IKBKB: variants seen among roughly 807,000 people sequenced by gnomAD.
The protein encoded by IKBKB is inhibitor of nuclear factor kappa-B kinase subunit beta.
A neutral mutation model predicts 113.6 loss-of-function variants in IKBKB; 42 were observed. The ratio of observed to expected loss-of-function variants is 0.37; its 90% CI spans 0.29 to 0.48. The LOEUF (loss-of-function observed/expected upper bound fraction) is 0.48, where lower values mean the gene tolerates loss of function less well. Ranked by LOEUF, IKBKB falls within the 20% of genes least tolerant of loss-of-function variation. The pLI, the probability that IKBKB is intolerant of heterozygous loss-of-function variation, is 0.99. For synonymous variants in IKBKB, 296 were observed against 361.3 expected (o/e 0.82, Z 2.05); for missense variants, 673 against 939.7 (o/e 0.72, Z 3.71).
At position 42,316,225 on chromosome 8, in the gene IKBKB, A is replaced by G. The variant is rs1563351883; in HGVS notation, c.816A>G (p.Arg272=). 1 of 1,614,134 alleles carries G rather than the reference A, an allele frequency of 6.2e-7. No individual in the cohort carries two copies. ...PNNLNSVLAE[R]LEKWLQLMLM... ...CTCTCCACAGTGTCCTGGCTGAGCG[A>G]CTGGAGAAGTGGCTGCAACTGATGC... The change falls in exon 10 of 22, where the codon CGA becomes CGG. Residue 272 remains arginine (R), a synonymous_variant. Coordinates refer to ENST00000520810, the MANE Select transcript of IKBKB (RefSeq NM_001556.3). The surrounding 1 kb of genome is among the most constrained non-coding windows in gnomAD (Gnocchi z 4.5).
At position 42,288,686 on chromosome 8, in the gene IKBKB, G is replaced by A. The variant is rs201288942; in HGVS notation, c.158G>A (p.Arg53Gln). 5.6e-6 allele frequency: 9 copies of A among 1,611,532 alleles called. No individual in the cohort carries two copies. Among genetic ancestry groups the A allele is most frequent in the African/African-American group, 1.3e-5 (1 of 74,820 alleles). ...IKQCRQELSP[R>Q]NRERWCLEIQ... ...CAGTGCCGGCAGGAGCTCAGCCCCCGGAACCGAGAGCGGTGGTGCCTGGAG... is the reference window on the plus strand; with the variant it reads ...CAGTGCCGGCAGGAGCTCAGCCCCCAGAACCGAGAGCGGTGGTGCCTGGAG... The change falls in exon 3 of 22, where the codon CGG (arginine) becomes CAG (glutamine). Residue 53 changes from arginine to glutamine, a missense_variant. Arg to Gln is a conservative substitution (Grantham distance 43). Transcript: ENST00000520810.
At chr8:42,291,951 T>C (rs2130337817) in intron 4 of IKBKB, among the ~76,000 whole-genome samples, 1 of 152,106 alleles carries the variant, frequency 6.6e-6, no homozygotes, top group East Asian at 1.9e-4. Context: ...GATAATCCTG[T>C]CTCAGAACAA....
In IKBKB at chr8:42,290,421, C is replaced by T. The variant is rs1193568982; in HGVS notation, c.318+148C>T. ...GCAGGGCTGCTTTGCCTCTCAGATC[C>T]TCTGTTCCCTGCCCACCTGGGGCTG... On this transcript the variant is annotated intron_variant, in intron 4 of 21. Transcript: ENST00000520810. 3 of 643,248 alleles carry T rather than the reference C, an allele frequency of 4.7e-6. No individual in the cohort carries two copies. In the East Asian group the frequency reaches 8.2e-5, roughly 18 times the overall value. The allele number at this position is 643,248 out of a possible 1,614,324, so 39.8% of individuals were successfully genotyped here.
intron 2 of IKBKB, among the ~76,000 whole-genome samples, chr8:42,279,612 T>G (rs994939711): frequency 1.3e-5 from 2 of 152,142 alleles, no homozygotes; most frequent in Admixed American, 6.5e-5. Flanking sequence ...CATTTTATAG[T>G]TGAGGAGACT....
In IKBKB at chr8:42,298,569, AG is replaced by A. The variant is rs1204501202; in HGVS notation, c.388+5058del. 3 of 783,094 alleles carry A rather than the reference AG, an allele frequency of 3.8e-6. No individual in the cohort carries two copies. In the East Asian group the frequency reaches 3.8e-4, roughly 100 times the overall value. The allele number at this position is 783,094 out of a possible 1,614,324, so 48.5% of individuals were successfully genotyped here. A position where few individuals can be genotyped will look rare whatever the true frequency, so the allele number is the denominator to read the frequency against. ...TGACTGAAGTGTGGATTATAGCAAA[AG>A]ATCATTTGCACATAAAGCTTTTTGG... On this transcript the variant is annotated intron_variant, in intron 5 of 21. Transcript: ENST00000520810.
chr8:42,311,070 A>G (rs1189535560), intron 8 of IKBKB, among the ~76,000 whole-genome samples: 1 of 152,222 alleles, frequency 6.6e-6, no homozygotes, highest in Non-Finnish European at 1.5e-5. Context: ...GCACGTTGTA[A>G]AGGTTTTTGA....
intron 5 of IKBKB, among the ~76,000 whole-genome samples, chr8:42,294,855 C>T (rs761778149): frequency 1.3e-5 from 2 of 152,190 alleles, no homozygotes; most frequent in African/African-American, 4.8e-5. Context: ...CTCACCCATC[C>T]ATGTTTTGCT....
intron 20 of IKBKB, among the ~76,000 whole-genome samples, 195 bp from the exon 21 acceptor site, chr8:42,328,929 C>T (rs995384700): frequency 2.0e-5 from 3 of 152,134 alleles, no homozygotes; most frequent in African/African-American, 4.8e-5. Context: ...CAGTAACGCT[C>T]ATATGTGGAA....
intron 11 of IKBKB, chr8:42,317,266 A>G: frequency 2.4e-6 from 1 of 423,588 alleles, no homozygotes; most frequent in Non-Finnish European, 4.4e-6. Context: ...AGTATTTATG[A>G]TGGCCTCTGT....
intron 5 of IKBKB, among the ~76,000 whole-genome samples, chr8:42,302,776 A>C (rs1219710313): frequency 1.3e-5 from 2 of 152,114 alleles, no homozygotes; most frequent in Admixed American, 1.3e-4. Flanking sequence ...AAAAAAAAAA[A>C]AACTGATCCC....
At chr8:42,307,824 A>T (rs2130548859) in intron 7 of IKBKB, among the ~76,000 whole-genome samples, 1 of 152,250 alleles carries the variant, frequency 6.6e-6, no homozygotes, top group South Asian at 2.1e-4. Context: ...ATAGAGGTTG[A>T]CCTACCCATC....
chr8:42,304,130 A>G (rs558462817), intron 5 of IKBKB, among the ~76,000 whole-genome samples: 4 of 152,152 alleles, frequency 2.6e-5, no homozygotes, highest in Non-Finnish European at 5.9e-5. Context: ...GAGAAAAGCT[A>G]TTGACTTGTG....
At chr8:42,284,611 C>G (rs932251442) in intron 2 of IKBKB, among the ~76,000 whole-genome samples, 3 of 151,570 alleles carry the variant, frequency 2.0e-5, no homozygotes, top group African/African-American at 4.9e-5. Context: ...CGAGGTGATA[C>G]TGCTACAACA....
chr8:42,320,710 G>T, intron 15 of IKBKB, 25 bp from the exon 16 acceptor site: 1 of 1,585,508 alleles, frequency 6.3e-7, no homozygotes, highest in South Asian at 1.1e-5. Flanking sequence ...CACATCAGTT[G>T]ACATTAGCAC....
intron 19 of IKBKB, chr8:42,325,159 C>T (rs1033874528): frequency 1.1e-6 from 1 of 926,586 alleles, no homozygotes; most frequent in Non-Finnish European, 1.3e-6. Context: ...GAAGATTGGC[C>T]GGCGGTCGTG....
At chr8:42,284,546 C>T (rs1236176407) in intron 2 of IKBKB, among the ~76,000 whole-genome samples, 12 of 141,646 alleles carry the variant, frequency 8.5e-5, no homozygotes. Flanking sequence ...CGTGCCACTG[C>T]ACTCCAGCCT....
Position 42,326,029 on chromosome 8 carries a change from C to G in IKBKB, c.2046C>G (p.Ser682Arg). 6.2e-7 allele frequency: 1 copy of G among 1,614,244 alleles called. No homozygotes were observed. Among genetic ancestry groups the G allele is most frequent in the Non-Finnish European group, 8.5e-7 (1 of 1,180,036 alleles). Residue 682 changes from serine to arginine, a missense_variant, in exon 20 of 22, where the codon AGC (serine) becomes AGG (arginine). Around this residue, in one of 2 missense-constraint regions of IKBKB, gnomAD observed 506 missense variants for 638.7 expected, o/e 0.79. Transcript: ENST00000520810. ...SPDSMNASRL[S>R]QPGQLMSQPS... The stretch of plus-strand genomic sequence containing the variant: ...ATAGCATGAATGCCTCTCGACTTAG[C>G]CAGCCTGGGCAGCTGATGTCTCAGC...
At chr8:42,274,455 C>T (rs959862450) in intron 2 of IKBKB, among the ~76,000 whole-genome samples, 3 of 151,762 alleles carry the variant, frequency 2.0e-5, no homozygotes, top group African/African-American at 7.3e-5. Context: ...CTCCACAACT[C>T]CCCCCACCCC....
intron 5 of IKBKB, among the ~76,000 whole-genome samples, chr8:42,296,225 G>A (rs948879144): frequency 5.3e-5 from 8 of 152,288 alleles, no homozygotes; most frequent in Admixed American, 2.6e-4. Flanking sequence ...AGCTGGATGC[G>A]GTGGCTCACG....
Sources: allele counts gnomAD v4.1 joint callset (sites outside exome capture counted in the v4.1 genomes callset), GRCh38; gene constraint gnomAD v4.1.1; regional missense constraint gnomAD v4.1.1; non-coding constraint Gnocchi (gnomAD v3.1); transcripts MANE v1.5; gene names NCBI Gene and HGNC (gene_info 2026-07-23, HGNC 2026-07-21).